Variants in NCOA6 observed in about 807,000 individuals in gnomAD.
The protein encoded by NCOA6 is nuclear receptor coactivator 6.
In NCOA6, 49 loss-of-function variants were observed where a neutral mutation model predicts 171.4. The ratio of observed to expected loss-of-function variants is 0.29; its 90% CI spans 0.23 to 0.36. The LOEUF is 0.36. NCOA6 is among the 10% of genes least tolerant of loss of function. The probability of loss-of-function intolerance (pLI) is 1.00; values close to 1 mark genes in which losing one functional copy is unlikely to be tolerated. For missense variants in NCOA6, 2,248 were observed against 2,554.5 expected (o/e 0.88, Z 2.59); for synonymous variants, 910 against 927.5 (o/e 0.98, Z 0.34).
chr20:34,752,563 G>C (rs1374655894), intron 8 of NCOA6, among the ~76,000 whole-genome samples: 1 of 152,154 alleles, frequency 6.6e-6, no homozygotes, highest in Non-Finnish European at 1.5e-5. Context: ...ACAAGAGAAA[G>C]TAGGGTGAGA....
rs114932408 is a variant in NCOA6 at position 34,786,695 on chromosome 20, C to T, written c.-49-4291G>A. ...AATCTTGAGTTCTAATTTGATTGTG[C>T]TATGATCTGAGAGACTGTTATGACT... On this transcript the variant is annotated intron_variant, in intron 2 of 14. Coordinates refer to ENST00000359003, the MANE Select transcript of NCOA6 (RefSeq NM_014071.5). Among the ~76,000 whole-genome samples, 1,503 of 152,180 alleles carry T rather than the reference C, an allele frequency of 9.9e-3. 22 individuals are homozygous for T. Among genetic ancestry groups the T allele is most frequent in the African/African-American group, 0.033 (1,380 of 41,512 alleles).
chr20:34,804,630 A>T (rs2078381090), intron 1 of NCOA6, among the ~76,000 whole-genome samples: 1 of 152,112 alleles, frequency 6.6e-6, no homozygotes, highest in Non-Finnish European at 1.5e-5. Context: ...AGAATATTTA[A>T]CATCATGAGC....
chr20:34,726,102 G>A (rs1039714383), intron 14 of NCOA6, among the ~76,000 whole-genome samples: 1 of 152,180 alleles, frequency 6.6e-6, no homozygotes, highest in African/African-American at 2.4e-5. Flanking sequence ...ACAACAGAGA[G>A]TTCTTGGTCA....
Position 34,742,744 on chromosome 20 carries a change from G to C in NCOA6, c.3512C>G (p.Ser1171Trp), listed in dbSNP as rs61730987. The change falls in exon 11 of 15, where the codon TCG becomes TGG. Residue 1171 changes from serine (S) to tryptophan (W), a missense_variant. Ser to Trp is a radical substitution (Grantham distance 177). Coordinates refer to ENST00000359003, the MANE Select transcript of NCOA6 (RefSeq NM_014071.5). ...TGCACCTTGAGTTGCTGAAAGGGGC[G>C]ATGGTCCAGGTTTTGGCCCTGTCAT... ...LMMTGPKPGP[S>W]PLSATQGATP... 1 of 1,614,154 alleles carries C rather than the reference G, an allele frequency of 6.2e-7. No individual in the cohort carries two copies. Among genetic ancestry groups the C allele is most frequent in the Non-Finnish European group, 8.5e-7 (1 of 1,180,020 alleles).
chr20:34,818,379 C>A (rs1198692512), intron 1 of NCOA6, among the ~76,000 whole-genome samples: 1 of 151,930 alleles, frequency 6.6e-6, no homozygotes, highest in Non-Finnish European at 1.5e-5. Flanking sequence ...CAAAACAAAA[C>A]AAAAAAACCC....
intron 9 of NCOA6, 103 bp from the exon 10 acceptor site, chr20:34,747,031 T>C: frequency 8.7e-7 from 1 of 1,153,084 alleles, no homozygotes; most frequent in Non-Finnish European, 1.2e-6. Flanking sequence ...AGAACTAAAA[T>C]GTTTGCATTA....
intron 9 of NCOA6, among the ~76,000 whole-genome samples, chr20:34,749,165 C>T (rs2076393772): frequency 6.6e-6 from 1 of 152,064 alleles, no homozygotes; most frequent in Non-Finnish European, 1.5e-5. Context: ...AAAAAGTGTC[C>T]TTATCTTTTA....
rs772874718 is a variant in NCOA6, at chr20:34,758,064, C to T, written c.684G>A (p.Gln228=). The change falls in exon 7 of 15, where the codon CAG becomes CAA. Residue 228 remains glutamine (Q), a synonymous_variant. Coordinates refer to ENST00000359003, the MANE Select transcript of NCOA6 (RefSeq NM_014071.5). The part of the protein sequence containing the change: ...DPLLSGLHIQ[Q]QSHPSGSLAP... ...CTAAAGATCCTGAGGGATGACTTTG[C>T]TGCTGTATATGGAGCCCAGAGAGGA... 5 of 1,613,910 alleles carry T rather than the reference C, an allele frequency of 3.1e-6. No individual in the cohort carries two copies. The highest frequency in any genetic ancestry group is 4.2e-6 in the Non-Finnish European group (5 of 1,179,846).
chr20:34,784,954 G>A (rs577850462), intron 2 of NCOA6, among the ~76,000 whole-genome samples: 3 of 152,050 alleles, frequency 2.0e-5, no homozygotes, highest in Non-Finnish European at 2.9e-5. Flanking sequence ...GGTAGCAGGC[G>A]CCTATAATCC....
chr20:34,810,523 C>T (rs953368416), intron 1 of NCOA6, among the ~76,000 whole-genome samples: 1 of 151,944 alleles, frequency 6.6e-6, no homozygotes, highest in African/African-American at 2.4e-5. Context: ...TTAAATAAAG[C>T]CTAACGCCCA....
At chr20:34,778,958 CAAAAAAAAA>C (rs57631874) in intron 3 of NCOA6, among the ~76,000 whole-genome samples, 1 of 46,506 alleles carries the variant, frequency 2.2e-5, no homozygotes, top group African/African-American at 8.5e-5. Flanking sequence ...GACTCCGTTT[CAAAAAAAAA>C]AAAAAAAAAA....
chr20:34,754,208 C>A (rs1662059126), intron 8 of NCOA6, among the ~76,000 whole-genome samples: 1 of 152,174 alleles, frequency 6.6e-6, no homozygotes, highest in Non-Finnish European at 1.5e-5. Context: ...CCAAACATGC[C>A]TCCATGCCTT....
At chr20:34,780,414 G>A (rs570008563) in intron 3 of NCOA6, among the ~76,000 whole-genome samples, 4 of 152,080 alleles carry the variant, frequency 2.6e-5, no homozygotes, top group Non-Finnish European at 5.9e-5. Flanking sequence ...CTGGAGTGCA[G>A]TGGCATGATC....
intron 3 of NCOA6, among the ~76,000 whole-genome samples, chr20:34,777,898 T>C (rs1316995715): frequency 1.3e-5 from 2 of 152,110 alleles, no homozygotes; most frequent in South Asian, 2.1e-4. Context: ...GGTATATACA[T>C]ACAATGGAAT....
intron 5 of NCOA6, among the ~76,000 whole-genome samples, chr20:34,765,042 A>T (rs2076935141): frequency 6.6e-6 from 1 of 151,848 alleles, no homozygotes; most frequent in African/African-American, 2.4e-5. Flanking sequence ...CATCGCTTGA[A>T]TCCAGGAGGT....
At chr20:34,739,782 A>C (rs1411838562) in intron 11 of NCOA6, among the ~76,000 whole-genome samples, 2 of 152,246 alleles carry the variant, frequency 1.3e-5, no homozygotes, top group Non-Finnish European at 2.9e-5. Context: ...ACATATGTAA[A>C]AATGCTTCCT....
At chr20:34,721,622 A>C (rs1454454017) in intron 14 of NCOA6, among the ~76,000 whole-genome samples, 1 of 152,138 alleles carries the variant, frequency 6.6e-6, no homozygotes, top group Non-Finnish European at 1.5e-5. Flanking sequence ...TGAGAATCTA[A>C]TGTCACCTCT....
At chr20:34,730,278 C>A (rs898118008) in intron 13 of NCOA6, among the ~76,000 whole-genome samples, 2 of 151,432 alleles carry the variant, frequency 1.3e-5, no homozygotes, top group Non-Finnish European at 2.9e-5. Context: ...TTCATAGAGA[C>A]AGGGTCTCCC....
chr20:34,754,786 T>G lies in NCOA6; in HGVS notation c.1611A>C (p.Thr537=). The change falls in exon 8 of 15, where the codon ACA becomes ACC. Residue 537 remains threonine (T), a synonymous_variant. Coordinates refer to ENST00000359003, the MANE Select transcript of NCOA6 (RefSeq NM_014071.5). ...NFMQGQVPST[T]ATTPGNSGAP... ...CTCCTGAATTCCCAGGGGTGGTTGC[T>G]GTGGTCGAAGGCACCTGACCTTGCA... The G allele has an allele frequency of 6.2e-7, 1 of 1,614,208 alleles. No homozygotes were observed.
Sources: gnomAD v4.1 joint callset for allele counts (sites outside exome capture counted in the v4.1 genomes callset) on GRCh38, gnomAD v4.1.1 for gene constraint, MANE v1.5 for transcripts, NCBI Gene and HGNC (gene_info 2026-07-23, HGNC 2026-07-21) for gene names.